GRM4: variants seen among roughly 807,000 people sequenced by gnomAD.
GRM4 encodes the protein glutamate metabotropic receptor 4.
GRM4 carries 28 observed loss-of-function variants against 81.7 expected under a neutral mutation model. The ratio of observed to expected loss-of-function variants is 0.34; its 90% CI spans 0.25 to 0.47. The LOEUF (loss-of-function observed/expected upper bound fraction) is 0.47, where lower values mean the gene tolerates loss of function less well. GRM4 is among the 20% of genes least tolerant of loss of function. GRM4 has a pLI of 1.00. For synonymous variants in GRM4, 488 were observed against 528.8 expected (o/e 0.92, Z 1.06); for missense variants, 948 against 1,290.0 (o/e 0.73, Z 4.06).
intron 6 of GRM4, among the ~76,000 whole-genome samples, chr6:34,041,724 A>G (rs936928148): frequency 1.3e-5 from 2 of 152,222 alleles, no homozygotes; most frequent in African/African-American, 4.8e-5. Context: ...CAAGAGGGCT[A>G]TGGAGGTCCC....
intron 2 of GRM4, among the ~76,000 whole-genome samples, chr6:34,124,437 CCT>C (rs532759054): frequency 6.6e-6 from 1 of 152,230 alleles, no homozygotes; most frequent in Non-Finnish European, 1.5e-5. Context: ...ACACTGCTCC[CCT>C]GACGATGCGC....
At chr6:34,113,135 C>T (rs1334800355) in intron 2 of GRM4, among the ~76,000 whole-genome samples, 17 of 151,502 alleles carry the variant, frequency 1.1e-4, no homozygotes, top group African/African-American at 2.4e-5. Flanking sequence ...CCTTCCCTTC[C>T]CTTCCCTCCC....
intron 2 of GRM4, among the ~76,000 whole-genome samples, chr6:34,131,527 C>A (rs1377173277): frequency 1.3e-5 from 2 of 152,186 alleles, no homozygotes; most frequent in African/African-American, 4.8e-5. Context: ...AGCCCCAGAG[C>A]AGCCAATGGC....
At position 34,059,062 on chromosome 6, in the gene GRM4, G is replaced by C. The variant is rs1453383700; in HGVS notation, c.939C>G (p.Ser313Arg). The change falls in exon 5 of 11, where the codon AGC becomes AGG. Residue 313 changes from serine to arginine, a missense_variant. Physicochemically the swap from Ser to Arg is moderately radical, Grantham distance 110. Transcript: ENST00000538487. The surrounding 1 kb of genome is among the most constrained non-coding windows in gnomAD (Gnocchi z 5.7). ...TGHFFWMGSD[S>R]WGSKIAPVLH... ...GCACAGGTGCAATCTTGGAGCCCCA[G>C]CTGTCAGAGCCCATCCAGAAGAAAT... 6.2e-7 allele frequency: 1 copy of C among 1,613,898 alleles called. No individual in the cohort carries two copies.
chr6:34,032,647 G>T (rs1380072869), intron 9 of GRM4, among the ~76,000 whole-genome samples: 1 of 152,166 alleles, frequency 6.6e-6, no homozygotes, highest in East Asian at 1.9e-4. Flanking sequence ...TCCCTCTCTG[G>T]GCCTATGAAC....
chr6:34,120,418 CT>C (rs1193339528), intron 2 of GRM4, among the ~76,000 whole-genome samples: 1 of 152,164 alleles, frequency 6.6e-6, no homozygotes, highest in African/African-American at 2.4e-5. Context: ...TTCTTTCCCC[CT>C]GTTGGGTTTG....
chr6:34,102,135 G>A (rs138098511), intron 2 of GRM4: 17 of 1,535,422 alleles, frequency 1.1e-5, no homozygotes, highest in Non-Finnish European at 1.3e-5. Flanking sequence ...CAGCCAGCCG[G>A]AAGGACTGGG....
intron 6 of GRM4, 96 bp downstream of exon 6, chr6:34,056,437 GCCGGCCGACGA>G (rs1561778513): frequency 9.5e-6 from 10 of 1,047,476 alleles, no homozygotes; most frequent in South Asian, 6.2e-5. Flanking sequence ...TCCTGCCACG[GCCGGCCGACGA>G]CAGACAAAGG....
At position 34,060,241 on chromosome 6, in the gene GRM4, C is replaced by G. The variant is rs182712902; in HGVS notation, c.873-1113G>C. On this transcript the variant is annotated intron_variant, in intron 4 of 10. Coordinates refer to ENST00000538487, the MANE Select transcript of GRM4 (RefSeq NM_000841.4). Reference sequence around the variant, plus strand: ...TTCCAGCTCTGCTCACTGGTGTAGCCCCCCCGCACCCTAGGTCACCACTAA... The same window carrying G: ...TTCCAGCTCTGCTCACTGGTGTAGCGCCCCCGCACCCTAGGTCACCACTAA... 5.3e-5 allele frequency: 8 copies of G among 152,130 alleles called. 1 individual carries two copies. Among genetic ancestry groups the G allele is most frequent in the Admixed American group, 6.5e-5 (1 of 15,270 alleles). The allele number at this position is 152,130 out of a possible 1,614,324, so 9.4% of individuals were successfully genotyped here. A position where few individuals can be genotyped will look rare whatever the true frequency, so the allele number is the denominator to read the frequency against.
intron 10 of GRM4, among the ~76,000 whole-genome samples, chr6:34,026,412 C>T (rs1386903706): frequency 6.6e-6 from 1 of 152,056 alleles, no homozygotes; most frequent in Non-Finnish European, 1.5e-5. Flanking sequence ...CACTTCCCTA[C>T]CATGGAAGCC....
chr6:34,108,243 T>C (rs1769214328), intron 2 of GRM4, among the ~76,000 whole-genome samples: 1 of 152,250 alleles, frequency 6.6e-6, no homozygotes, highest in South Asian at 2.1e-4. Flanking sequence ...CTCCTTCCTG[T>C]GCCCCAGGTT....
rs572535477 is a variant in GRM4 at position 34,133,550 on chromosome 6, G to A, written c.-54C>T. 2 of 1,501,002 alleles carry A rather than the reference G, an allele frequency of 1.3e-6. No individual in the cohort carries two copies. The highest frequency in any genetic ancestry group is 2.8e-5 in the African/African-American group (2 of 71,714). 93.0% of individuals were successfully genotyped at this position (1,501,002 alleles called of 1,614,324 possible). On this transcript the variant is annotated 5_prime_UTR_variant, in exon 2 of 11. Transcript: ENST00000538487. The surrounding 1 kb of genome is among the most constrained non-coding windows in gnomAD (Gnocchi z 6.5). ...GCAGGCCCACTCCTAGCCCTGGCAG[G>A]CCCCTGGCCCCACGGCCTGGGTGGG...
Position 34,132,540 on chromosome 6 carries a change from AT to A in GRM4, c.519+437del, listed in dbSNP as rs1441079415. On this transcript the variant is annotated intron_variant, in intron 2 of 10. Transcript: ENST00000538487. Reference sequence around the variant, plus strand: ...CTCCCTGGCAATCTCCAGCATTCATATTTCCATTCTTCTTATCTGTCTGTCT... The same window carrying A: ...CTCCCTGGCAATCTCCAGCATTCATATTCCATTCTTCTTATCTGTCTGTCT... 1.2e-4 allele frequency among the ~76,000 whole-genome samples: 18 copies of A among 151,676 alleles called. No homozygotes were observed. The East Asian group carries it at 3.5e-3, about 29-fold the overall frequency.
chr6:34,036,059 C>T lies in GRM4; in HGVS notation c.2051G>A (p.Gly684Asp), dbSNP rs375956059. The T allele has an allele frequency of 1.7e-5, 28 of 1,614,038 alleles. No individual in the cohort carries two copies. Among genetic ancestry groups the T allele is most frequent in the Non-Finnish European group, 2.4e-5 (28 of 1,180,030 alleles). Residue 684 changes from glycine to aspartate, a missense_variant, in exon 9 of 11, where the codon GGC becomes GAC. Transcript: ENST00000538487. This position sits in a 1 kb window ranked among gnomAD's most constrained non-coding sequence, Gnocchi z 9.0. ...GCGTGGGGCACTGACCGAGCGCTTG[C>T]CCTGCTCGAAGATGCGGTAGATGCG... Reference protein sequence around the residue: ...TNRIYRIFEQGKRSVSAPRFI... With the variant: ...TNRIYRIFEQDKRSVSAPRFI...
intron 3 of GRM4, among the ~76,000 whole-genome samples, chr6:34,075,609 G>A (rs1280729346): frequency 6.6e-6 from 1 of 152,202 alleles, no homozygotes; most frequent in Admixed American, 6.5e-5. Context: ...GCCTGCTTCA[G>A]GTTCAAATCC....
Position 34,048,346 on chromosome 6 carries a change from T to A in GRM4, c.1169-7598A>T, listed in dbSNP as rs933383304. 2.6e-5 allele frequency among the ~76,000 whole-genome samples: 4 copies of A among 151,862 alleles called. No individual in the cohort carries two copies. The highest frequency in any genetic ancestry group is 4.4e-5 in the Non-Finnish European group (3 of 67,954). ...GGCAAGGAGAGTCACACCTGGCGCC[T>A]GCACAGCCCCGTGCCCAAGAAGGAT... On this transcript the variant is annotated intron_variant, in intron 6 of 10. Coordinates refer to ENST00000538487, the MANE Select transcript of GRM4 (RefSeq NM_000841.4). The surrounding 1 kb of genome is among the most constrained non-coding windows in gnomAD (Gnocchi z 4.0).
rs1054441338 is a variant in GRM4 at position 34,152,403 on chromosome 6, G to A, written c.312+2676C>T. On this transcript the variant is annotated intron_variant, in intron 1 of 8. Transcript: ENST00000374177. This position sits in a 1 kb window ranked among gnomAD's most constrained non-coding sequence, Gnocchi z 4.1. ...AAGGGGTATTGTGGTCTGGTCCTGGGGCTGAGGTCACAGCTGCACTGCCCC... is the reference window on the plus strand; with the variant it reads ...AAGGGGTATTGTGGTCTGGTCCTGGAGCTGAGGTCACAGCTGCACTGCCCC... Among the ~76,000 whole-genome samples the A allele has an allele frequency of 1.3e-5, 2 of 152,186 alleles. No homozygotes were observed. The highest frequency in any genetic ancestry group is 2.9e-5 in the Non-Finnish European group (2 of 68,042).
At chr6:34,052,285 C>G (rs1220074189) in intron 6 of GRM4, among the ~76,000 whole-genome samples, 1 of 152,250 alleles carries the variant, frequency 6.6e-6, no homozygotes, top group African/African-American at 2.4e-5. Flanking sequence ...CAGTGGCAAC[C>G]AGCTTGATCT....
In GRM4 at chr6:34,064,776, G is replaced by T. The variant is rs1300204814; in HGVS notation, c.737-2748C>A. On this transcript the variant is annotated intron_variant, in intron 3 of 10. Transcript: ENST00000538487. The surrounding 1 kb of genome is among the most constrained non-coding windows in gnomAD (Gnocchi z 4.4). Reference sequence around the variant, plus strand: ...AGAGAAGACCAGAGCGGCCCGAGAGGCCACTGAGCACCCCCTGCATGCCTG... The same window carrying T: ...AGAGAAGACCAGAGCGGCCCGAGAGTCCACTGAGCACCCCCTGCATGCCTG... 6.6e-6 allele frequency among the ~76,000 whole-genome samples: 1 copy of T among 152,204 alleles called. No individual in the cohort carries two copies. Among genetic ancestry groups the T allele is most frequent in the Admixed American group, 6.5e-5 (1 of 15,288 alleles).
Sources: allele counts gnomAD v4.1 joint callset (sites outside exome capture counted in the v4.1 genomes callset), GRCh38; gene constraint gnomAD v4.1.1; non-coding constraint Gnocchi (gnomAD v3.1); transcripts MANE v1.5; gene names NCBI Gene and HGNC (gene_info 2026-07-23, HGNC 2026-07-21).